The following ACAP2 variants were observed in gnomAD, a reference collection of about 807,000 sequenced individuals.
ACAP2 encodes the protein ArfGAP with coiled-coil, ankyrin repeat and PH domains 2.
ACAP2 carries 39 observed loss-of-function variants against 115.8 expected under a neutral mutation model. That is an observed-to-expected ratio of 0.34 (90% CI 0.26 to 0.44). ACAP2 has a LOEUF of 0.44. Ranked by LOEUF, ACAP2 falls within the 20% of genes least tolerant of loss-of-function variation. ACAP2 has a pLI of 1.00. For missense variants in ACAP2, 662 were observed against 927.6 expected (o/e 0.71, Z 3.72); for synonymous variants, 289 against 315.8 (o/e 0.92, Z 0.90).
chr3:195,378,455 G>A (rs1156526067), intron 4 of ACAP2, among the ~76,000 whole-genome samples: 1 of 151,518 alleles, frequency 6.6e-6, no homozygotes, highest in African/African-American at 2.4e-5. Flanking sequence ...TTGCGCCGCT[G>A]CACTCCAGCC....
chr3:195,279,927 A>C (rs1223540477), intron 22 of ACAP2: 1 of 152,290 alleles, frequency 6.6e-6, no homozygotes, highest in African/African-American at 2.4e-5. Context: ...TTTTAATTAA[A>C]AGCAATTTGA....
rs111479121 is a variant in ACAP2, at chr3:195,311,836, C to G, written c.858-2999G>C. Among the ~76,000 whole-genome samples, 63 of 152,170 alleles carry G rather than the reference C, an allele frequency of 4.1e-4. No individual in the cohort carries two copies. The Middle Eastern group carries it at 0.017, about 41-fold the overall frequency. ...ACAGGCATGAGCCACCGCGCCCTGCCAAGACAGTTTTTAAAATAGAAAAAT... is the reference window on the plus strand; with the variant it reads ...ACAGGCATGAGCCACCGCGCCCTGCGAAGACAGTTTTTAAAATAGAAAAAT... On this transcript the variant is annotated intron_variant, in intron 10 of 22. Transcript: ENST00000326793.
intron 9 of ACAP2, 48 bp from the exon 10 acceptor site, chr3:195,320,861 C>A: frequency 4.6e-6 from 6 of 1,291,110 alleles, no homozygotes; most frequent in Non-Finnish European, 2.2e-6. Context: ...GACTAAGTTT[C>A]CTAGACAAGA....
intron 1 of ACAP2, among the ~76,000 whole-genome samples, chr3:195,438,699 G>C (rs1273207119): frequency 2.6e-5 from 4 of 152,032 alleles, no homozygotes; most frequent in Admixed American, 2.6e-4. Context: ...GTAAGACTCT[G>C]TCTCTCAAAC....
rs780678192 is a variant in ACAP2, at chr3:195,301,683, CTGTT to C, written c.1326-43_1326-40del. ...AGAAGACTGCATTACTATCAAGTCT[CTGTT>C]TGCGTATTTGCGCAAGTTCTGTTTT... is the stretch of plus-strand genomic sequence containing the variant. On this transcript the variant is annotated intron_variant, in intron 14 of 22. Transcript: ENST00000326793. 1.3e-5 allele frequency: 20 copies of C among 1,564,748 alleles called. 1 individual carries two copies. The highest frequency in any genetic ancestry group is 1.7e-4 in the Middle Eastern group (1 of 5,912).
chr3:195,381,990 A>C lies in ACAP2; in HGVS notation c.144T>G (p.Thr48=). The change falls in exon 3 of 23, where the codon ACT becomes ACG. Residue 48 remains threonine (T), a synonymous_variant. Transcript: ENST00000326793. ...LVKLCIAMID[T]GKAFCVANKQ... is the part of the protein sequence containing the mutation. ...TATTTGCAACACAAAAGGCTTTTCCAGTATCAATCATTGCAATACAAAGTT... is the reference window on the plus strand; with the variant it reads ...TATTTGCAACACAAAAGGCTTTTCCCGTATCAATCATTGCAATACAAAGTT... 6.2e-7 allele frequency: 1 copy of C among 1,610,200 alleles called. No individual in the cohort carries two copies. The highest frequency in any genetic ancestry group is 8.5e-7 in the Non-Finnish European group (1 of 1,178,886).
chr3:195,357,651 C>A (rs529698983), intron 4 of ACAP2: 1 of 152,322 alleles, frequency 6.6e-6, no homozygotes, highest in South Asian at 2.1e-4. Context: ...AGACTGCACT[C>A]ATTTTGGAGA....
intron 15 of ACAP2, among the ~76,000 whole-genome samples, chr3:195,300,415 T>C (rs1012147988): frequency 3.3e-5 from 5 of 152,184 alleles, no homozygotes; most frequent in Admixed American, 6.5e-5. Flanking sequence ...TACAATATGG[T>C]AAACTAGATG....
chr3:195,344,955 G>A (rs1388699849), intron 5 of ACAP2, among the ~76,000 whole-genome samples: 2 of 152,164 alleles, frequency 1.3e-5, no homozygotes, highest in South Asian at 2.1e-4. Context: ...TTTGGGGTTT[G>A]CTTTGATGGT....
intron 1 of ACAP2, among the ~76,000 whole-genome samples, chr3:195,395,924 T>C (rs1711731778): frequency 6.6e-6 from 1 of 152,172 alleles, no homozygotes; most frequent in African/African-American, 2.4e-5. Context: ...AGTTTTTTAT[T>C]ATCAATTGAA....
chr3:195,432,554 A>G (rs571838888), intron 1 of ACAP2, among the ~76,000 whole-genome samples: 1 of 152,202 alleles, frequency 6.6e-6, no homozygotes, highest in East Asian at 1.9e-4. Flanking sequence ...CTATATGTCT[A>G]TCCTTATGCC....
At chr3:195,288,653 T>A (rs937871164) in intron 21 of ACAP2, among the ~76,000 whole-genome samples, 1 of 151,356 alleles carries the variant, frequency 6.6e-6, no homozygotes, top group Non-Finnish European at 1.5e-5. Context: ...AGGTCAGGAG[T>A]TCGAGACCAG....
chr3:195,336,075 T>A (rs1160576515), intron 7 of ACAP2: 1 of 151,772 alleles, frequency 6.6e-6, no homozygotes, highest in Non-Finnish European at 1.5e-5. Context: ...CTAATTTTTT[T>A]GTATTTTTAG....
rs1560193271 is a variant in ACAP2, at chr3:195,279,319, T to A, written c.*9A>T. On this transcript the variant is annotated 3_prime_UTR_variant, in exon 23 of 23. Coordinates refer to ENST00000326793, the MANE Select transcript of ACAP2 (RefSeq NM_012287.6). ...ACCAGATTTCATATTTTCCCATTTT[T>A]AAAAAAATTCAGAATTTCTGTGAAT... 9 of 1,578,610 alleles carry A rather than the reference T, an allele frequency of 5.7e-6. No individual in the cohort carries two copies. Among genetic ancestry groups the A allele is most frequent in the Middle Eastern group, 1.7e-4 (1 of 6,004 alleles).
At chr3:195,412,047 GGGTGCA>G (rs1196932531) in intron 1 of ACAP2, among the ~76,000 whole-genome samples, 1 of 150,804 alleles carries the variant, frequency 6.6e-6, no homozygotes, top group Non-Finnish European at 1.5e-5. Context: ...ATTGGGGGCT[GGGTGCA>G]GTGGCTCATG....
intron 4 of ACAP2, among the ~76,000 whole-genome samples, chr3:195,352,299 T>C (rs1336773843): frequency 6.6e-6 from 1 of 152,202 alleles, no homozygotes; most frequent in Non-Finnish European, 1.5e-5. Context: ...GATAAGTACA[T>C]TCTATGATAC....
chr3:195,342,009 G>C (rs991687680), intron 6 of ACAP2, among the ~76,000 whole-genome samples: 8 of 152,030 alleles, frequency 5.3e-5, no homozygotes, highest in African/African-American at 1.9e-4. Context: ...AGGTGGGAGG[G>C]AGGTGATGGA....
intron 1 of ACAP2, among the ~76,000 whole-genome samples, chr3:195,396,140 A>G (rs978687179): frequency 6.6e-6 from 1 of 152,058 alleles, no homozygotes; most frequent in African/African-American, 2.4e-5. Flanking sequence ...AATCCCAGCT[A>G]CTAGGGAGGC....
intron 2 of ACAP2, among the ~76,000 whole-genome samples, chr3:195,390,434 T>G (rs1258623156): frequency 6.6e-6 from 1 of 152,236 alleles, no homozygotes; most frequent in Non-Finnish European, 1.5e-5. Flanking sequence ...AAACATCTTC[T>G]AAAATTTTGA....
Sources: allele counts gnomAD v4.1 joint callset (sites outside exome capture counted in the v4.1 genomes callset), GRCh38; gene constraint gnomAD v4.1.1; transcripts MANE v1.5; gene names NCBI Gene and HGNC (gene_info 2026-07-23, HGNC 2026-07-21).